PPP2R2B: variants seen among roughly 807,000 people sequenced by gnomAD.
PPP2R2B encodes protein phosphatase 2 regulatory subunit Bbeta.
In PPP2R2B, 5 loss-of-function variants were observed where a neutral mutation model predicts 46.0. The observed-to-expected ratio is 0.11, with a 90% CI of 0.06 to 0.23. The LOEUF (loss-of-function observed/expected upper bound fraction) is 0.23, where lower values mean the gene tolerates loss of function less well. Ranked by LOEUF, PPP2R2B falls within the 10% of genes least tolerant of loss-of-function variation. The pLI is 1.00. For synonymous variants in PPP2R2B, 215 were observed against 206.7 expected (o/e 1.04, Z -0.34); for missense variants, 367 against 575.0 (o/e 0.64, Z 3.70).
At position 146,986,577 on chromosome 5, in the gene PPP2R2B, T is replaced by C. The variant is rs548674220; in HGVS notation, c.79+69088A>G. Among the ~76,000 whole-genome samples the C allele has an allele frequency of 1.2e-3, 185 of 151,994 alleles. 1 individual carries two copies. The highest frequency in any genetic ancestry group is 3.4e-3 in the Middle Eastern group (1 of 294). On this transcript the variant is annotated intron_variant, in intron 1 of 8. Transcript: ENST00000336640. ...TTTATCAAAGATATTGAAGTATTAATAAAAAAACAGAAATCCTGGAGTAAA... is the reference window on the plus strand; with the variant it reads ...TTTATCAAAGATATTGAAGTATTAACAAAAAAACAGAAATCCTGGAGTAAA...
At chr5:146,682,190 T>C (rs1778218517) in intron 5 of PPP2R2B, among the ~76,000 whole-genome samples, 1 of 152,202 alleles carries the variant, frequency 6.6e-6, no homozygotes, top group Non-Finnish European at 1.5e-5. Flanking sequence ...TATTTTATTG[T>C]CAGTGAATAC....
intron 1 of PPP2R2B, among the ~76,000 whole-genome samples, chr5:147,032,427 G>A (rs747186620): frequency 3.4e-4 from 51 of 152,164 alleles, no homozygotes; most frequent in Non-Finnish European, 6.5e-4. Flanking sequence ...GTTCTTTAGT[G>A]GTGATTTGTG....
chr5:146,655,924 AACTG>A (rs1178668079), intron 5 of PPP2R2B, among the ~76,000 whole-genome samples: 15 of 151,880 alleles, frequency 9.9e-5, no homozygotes, highest in Admixed American at 2.0e-4. Context: ...GAGGGGAGGG[AACTG>A]GGCTTCAGTC....
upstream of PPP2R2B, among the ~76,000 whole-genome samples, chr5:147,057,057 G>A (rs1757109495): frequency 6.6e-6 from 1 of 152,122 alleles, no homozygotes; most frequent in Non-Finnish European, 1.5e-5. Context: ...GCCTTTATGG[G>A]CTCTCTTCCT....
At chr5:146,954,069 C>T (rs1226659033) in intron 1 of PPP2R2B, among the ~76,000 whole-genome samples, 3 of 151,236 alleles carry the variant, frequency 2.0e-5, no homozygotes, top group African/African-American at 7.3e-5. Context: ...ATAAATACCA[C>T]ATTATGACAG....
intron 1 of PPP2R2B, among the ~76,000 whole-genome samples, chr5:147,042,691 G>T (rs1756369082): frequency 6.6e-6 from 1 of 152,098 alleles, no homozygotes; most frequent in African/African-American, 2.4e-5. Context: ...AGTCTAGCAA[G>T]AGAAAGAAAT....
chr5:146,912,584 G>C (rs1009101045), intron 1 of PPP2R2B, among the ~76,000 whole-genome samples: 1 of 151,200 alleles, frequency 6.6e-6, no homozygotes, highest in Admixed American at 6.6e-5. Flanking sequence ...CACGATCTCG[G>C]CTCACCACAA....
At position 146,701,051 on chromosome 5, in the gene PPP2R2B, C is replaced by A. The variant is rs773031625; in HGVS notation, c.162G>T (p.Glu54Asp). ...KGGRVVIFQR[E>D]QESKNQVHRR... ...TGCATTCACCACCACTTACCTCCTG[C>A]TCTCGTTGAAATATTACAACCCGAC... Residue 54 changes from glutamate (E) to aspartate (D), a missense_variant, in exon 3 of 10, where the codon GAG (glutamate) becomes GAT (aspartate). Glu to Asp is a conservative substitution (Grantham distance 45, BLOSUM62 2). Transcript: ENST00000394411. The A allele has an allele frequency of 1.2e-6, 2 of 1,611,046 alleles. No individual in the cohort carries two copies. Among genetic ancestry groups the A allele is most frequent in the South Asian group, 2.2e-5 (2 of 91,032 alleles).
Position 146,938,961 on chromosome 5 carries a change from A to T in PPP2R2B, c.79+116704T>A, listed in dbSNP as rs186819259. On this transcript the variant is annotated intron_variant, in intron 1 of 8. Coordinates refer to the PPP2R2B transcript ENST00000336640. ...ACACCTGGCTAATTTTTTGTATTTT[A>T]GTAGAGACAGGGTTTCACCATGTTG... 1.6e-4 allele frequency among the ~76,000 whole-genome samples: 24 copies of T among 151,942 alleles called. No homozygotes were observed. In the East Asian group the frequency reaches 4.6e-3, roughly 29 times the overall value.
intron 7 of PPP2R2B, among the ~76,000 whole-genome samples, chr5:146,635,233 A>G (rs1561791044): frequency 6.6e-6 from 1 of 151,442 alleles, no homozygotes; most frequent in Non-Finnish European, 1.5e-5. Context: ...ATCAGAGCTG[A>G]GTTCTGATTC....
intron 2 of PPP2R2B, among the ~76,000 whole-genome samples, chr5:146,741,955 T>C (rs1318672949): frequency 6.6e-6 from 1 of 152,176 alleles, no homozygotes; most frequent in Non-Finnish European, 1.5e-5. Context: ...TGTGTTTGTG[T>C]AGGAAGACTC....
At chr5:146,938,926 G>A (rs780787609) in intron 1 of PPP2R2B, among the ~76,000 whole-genome samples, 5 of 151,724 alleles carry the variant, frequency 3.3e-5, no homozygotes, top group African/African-American at 7.3e-5. Flanking sequence ...GACTACAGGC[G>A]CATGCTGCCA....
In PPP2R2B at chr5:146,581,155, T is replaced by C. The variant is rs2150986105; in HGVS notation, c.*8792A>G. 6.6e-6 allele frequency: 1 copy of C among 152,292 alleles called. No individual in the cohort carries two copies. Among genetic ancestry groups the C allele is most frequent in the East Asian group, 1.9e-4 (1 of 5,186 alleles). 9.4% of individuals were successfully genotyped at this position (152,292 alleles called of 1,614,324 possible). A position where few individuals can be genotyped will look rare whatever the true frequency, so the allele number is the denominator to read the frequency against. On this transcript the variant is annotated 3_prime_UTR_variant, in exon 10 of 10. Coordinates refer to ENST00000394411, the MANE Select transcript of PPP2R2B (RefSeq NM_181675.4). ...CGAGACTGGGTAATTTGTAAAGGAATGAGGTTTAATTGGCTCATGGTTCCA... is the reference window on the plus strand; with the variant it reads ...CGAGACTGGGTAATTTGTAAAGGAACGAGGTTTAATTGGCTCATGGTTCCA...
intron 7 of PPP2R2B, among the ~76,000 whole-genome samples, chr5:146,633,484 C>A (rs1057260031): frequency 6.6e-6 from 1 of 152,242 alleles, no homozygotes; most frequent in East Asian, 1.9e-4. Context: ...CTGGCAGGAG[C>A]TGGGGCTCGT....
chr5:146,650,539 A>T lies in PPP2R2B; in HGVS notation c.625+8T>A. On this transcript the variant is annotated splice_region_variant and intron_variant, in intron 6 of 9. Transcript: ENST00000394411. ...GCCAGTTGATTCTTGATCACAAAGA[A>T]AGGATACTAAAACTTTGATTGGTTA... The T allele has an allele frequency of 6.2e-7, 1 of 1,610,912 alleles. No homozygotes were observed. Among genetic ancestry groups the T allele is most frequent in the Non-Finnish European group, 8.5e-7 (1 of 1,178,000 alleles).
At chr5:146,990,003 A>G (rs904396123) in intron 1 of PPP2R2B, among the ~76,000 whole-genome samples, 24 of 128,188 alleles carry the variant, frequency 1.9e-4, no homozygotes, top group Non-Finnish European at 2.2e-4. Flanking sequence ...CAATAGCTAC[A>G]GAAATGCTAG....
At chr5:146,998,221 C>T (rs907323818) in intron 1 of PPP2R2B, among the ~76,000 whole-genome samples, 13 of 152,158 alleles carry the variant, frequency 8.5e-5, no homozygotes, top group Non-Finnish European at 1.6e-4. Flanking sequence ...TCTCTAAAAA[C>T]TGAGAGTGAA....
At chr5:147,005,534 T>C (rs1162671169) in intron 1 of PPP2R2B, among the ~76,000 whole-genome samples, 1 of 152,180 alleles carries the variant, frequency 6.6e-6, no homozygotes, top group African/African-American at 2.4e-5. Context: ...CATGGAGTTA[T>C]TGCACTCCTT....
chr5:146,929,550 G>A (rs765761092), intron 1 of PPP2R2B, among the ~76,000 whole-genome samples: 41 of 152,034 alleles, frequency 2.7e-4, no homozygotes, highest in Non-Finnish European at 5.6e-4. Flanking sequence ...AAAATTGATT[G>A]GGAAATGATG....
Sources: gnomAD v4.1 joint callset for allele counts (sites outside exome capture counted in the v4.1 genomes callset) on GRCh38, gnomAD v4.1.1 for gene constraint, MANE v1.5 for transcripts, NCBI Gene and HGNC (gene_info 2026-07-23, HGNC 2026-07-21) for gene names.